ADAMTS16: variants seen among roughly 807,000 people sequenced by gnomAD.
ADAMTS16 encodes the protein ADAM metallopeptidase with thrombospondin type 1 motif 16.
In ADAMTS16, 94 loss-of-function variants were observed where a neutral mutation model predicts 145.8. The ratio of observed to expected loss-of-function variants is 0.64; its 90% CI spans 0.55 to 0.77. ADAMTS16 has a LOEUF of 0.77. Ranked by LOEUF, ADAMTS16 falls within the 30% of genes least tolerant of loss-of-function variation. The pLI is 0.00. For synonymous variants in ADAMTS16, 659 were observed against 604.3 expected (o/e 1.09, Z -1.33); for missense variants, 1,585 against 1,591.5 (o/e 1.00, Z 0.07).
chr5:5,215,703 T>C (rs1038173965), intron 10 of ADAMTS16, among the ~76,000 whole-genome samples: 8 of 124,186 alleles, frequency 6.4e-5, no homozygotes, highest in Admixed American at 8.6e-5. Context: ...ATTACATATA[T>C]ATATATATAT....
chr5:5,200,105 C>A (rs1735914986), intron 8 of ADAMTS16, 27 bp from the exon 9 acceptor site: 6 of 1,412,880 alleles, frequency 4.2e-6, no homozygotes, highest in African/African-American at 1.7e-5. Flanking sequence ...TCTGAAAGAA[C>A]CATCTCTCTC....
chr5:5,166,061 CT>C (rs963699018), intron 3 of ADAMTS16, among the ~76,000 whole-genome samples: 1 of 152,140 alleles, frequency 6.6e-6, no homozygotes, highest in Non-Finnish European at 1.5e-5. Flanking sequence ...TGCCTTTATT[CT>C]TTAAAAATAT....
intron 2 of ADAMTS16, chr5:5,142,064 A>T (rs1258411450): frequency 3.9e-5 from 1 of 25,580 alleles, no homozygotes; most frequent in Non-Finnish European, 1.1e-4. Flanking sequence ...AGATTTTTGT[A>T]AAAAAAAAAA....
chr5:5,237,496 A>G (rs1737144294), intron 14 of ADAMTS16, among the ~76,000 whole-genome samples: 1 of 152,200 alleles, frequency 6.6e-6, no homozygotes, highest in East Asian at 1.9e-4. Context: ...CCAGAGGGAA[A>G]GTGGGGGACT....
chr5:5,309,930 C>T (rs1025326870), intron 21 of ADAMTS16, among the ~76,000 whole-genome samples: 1 of 151,940 alleles, frequency 6.6e-6, no homozygotes, highest in Non-Finnish European at 1.5e-5. Flanking sequence ...CATAAACAGT[C>T]GTGCACAGTT....
Position 5,319,090 on chromosome 5 carries a change from G to A in ADAMTS16, c.3627G>A (p.Lys1209=), listed in dbSNP as rs1250918520. The change falls in exon 23 of 23, where the codon AAG becomes AAA. Residue 1209 remains lysine, a synonymous_variant. Transcript: ENST00000274181. ...LVPQHGMCSH[K]FYGKQCCKTC... is the part of the protein sequence containing the mutation. ...CCCAGCACGGGATGTGCAGCCACAA[G>A]TTCTACGGCAAGCAGTGCTGCAAGA... is the stretch of plus-strand genomic sequence containing the variant. 2.5e-6 allele frequency: 4 copies of A among 1,613,500 alleles called. No individual in the cohort carries two copies. The South Asian group carries it at 4.4e-5, about 18-fold the overall frequency.
intron 21 of ADAMTS16, among the ~76,000 whole-genome samples, chr5:5,308,760 C>T (rs1308833536): frequency 6.6e-6 from 1 of 152,026 alleles, no homozygotes; most frequent in Non-Finnish European, 1.5e-5. Flanking sequence ...ACCAGCCTGC[C>T]CAACATGGTG....
At chr5:5,312,634 G>A (rs1165406389) in intron 21 of ADAMTS16, among the ~76,000 whole-genome samples, 2 of 152,116 alleles carry the variant, frequency 1.3e-5, no homozygotes, top group Non-Finnish European at 2.9e-5. Flanking sequence ...TTTTAGTAGA[G>A]ACGGGGTTTT....
intron 18 of ADAMTS16, among the ~76,000 whole-genome samples, chr5:5,288,532 G>A (rs1039800871): frequency 6.6e-6 from 1 of 152,040 alleles, no homozygotes; most frequent in Non-Finnish European, 1.5e-5. Flanking sequence ...AGGAATTTTC[G>A]GAAAACTTCT....
intron 17 of ADAMTS16, among the ~76,000 whole-genome samples, chr5:5,261,392 C>A (rs911514631): frequency 1.3e-5 from 2 of 152,170 alleles, no homozygotes; most frequent in African/African-American, 4.8e-5. Flanking sequence ...CATGCCTAAG[C>A]CTGTCAACGT....
chr5:5,199,114 T>A (rs1286976664), intron 8 of ADAMTS16, among the ~76,000 whole-genome samples: 1 of 152,174 alleles, frequency 6.6e-6, no homozygotes, highest in Admixed American at 6.5e-5. Flanking sequence ...TCTGGGATAG[T>A]TGAAAATGGG....
rs1042167550 is a variant in ADAMTS16 at position 5,242,127 on chromosome 5, C to T, written c.2598C>T (p.Pro866=). 1 of 1,614,196 alleles carries T rather than the reference C, an allele frequency of 6.2e-7. No individual in the cohort carries two copies. Among genetic ancestry groups the T allele is most frequent in the Non-Finnish European group, 8.5e-7 (1 of 1,180,036 alleles). The change falls in exon 17 of 23, where the codon CCC becomes CCT. Residue 866 remains proline, a synonymous_variant. Transcript: ENST00000274181. The part of the protein sequence containing the change: ...SMPRLGTEKQ[P]PAQPSYTWAI... ...CTCGCTTGGGGACCGAGAAGCAGCCCCCTGCCCAGCCCAGCTACACTTGGG... is the reference window on the plus strand; with the variant it reads ...CTCGCTTGGGGACCGAGAAGCAGCCTCCTGCCCAGCCCAGCTACACTTGGG...
intron 18 of ADAMTS16, among the ~76,000 whole-genome samples, chr5:5,272,036 G>A (rs1688904065): frequency 6.6e-6 from 1 of 152,118 alleles, no homozygotes; most frequent in South Asian, 2.1e-4. Flanking sequence ...GAAAAGGGGG[G>A]AGCAATTTCC....
chr5:5,239,567 C>G, intron 15 of ADAMTS16, 114 bp from the exon 16 acceptor site: 1 of 1,452,662 alleles, frequency 6.9e-7, no homozygotes, highest in Admixed American at 1.9e-5. Context: ...ACGTCTTCAC[C>G]CAGTTCCAAA....
At position 5,140,429 on chromosome 5, in the gene ADAMTS16, G is replaced by C. The variant is rs997130521; in HGVS notation, c.-39G>C. 2.7e-6 allele frequency: 4 copies of C among 1,488,724 alleles called. No homozygotes were observed. The highest frequency in any genetic ancestry group is 3.5e-6 in the Non-Finnish European group (4 of 1,127,196). The allele number at this position is 1,488,724 out of a possible 1,614,324, so 92.2% of individuals were successfully genotyped here. ...GCCCGCTCGCACGCTGCCGGCCGGGGACCCTCCGGTGGCCCCTAGCCCCTC... is the reference window on the plus strand; with the variant it reads ...GCCCGCTCGCACGCTGCCGGCCGGGCACCCTCCGGTGGCCCCTAGCCCCTC... On this transcript the variant is annotated 5_prime_UTR_variant, in exon 1 of 23. Coordinates refer to ENST00000274181, the MANE Select transcript of ADAMTS16 (RefSeq NM_139056.4).
intron 3 of ADAMTS16, among the ~76,000 whole-genome samples, chr5:5,153,687 A>AT (rs1389835322): frequency 2.6e-5 from 4 of 152,168 alleles, no homozygotes; most frequent in African/African-American, 9.6e-5. Flanking sequence ...GTTGCATATG[A>AT]TGGGAATAGA....
At chr5:5,183,340 T>C (rs963176835) in intron 4 of ADAMTS16, among the ~76,000 whole-genome samples, 1 of 152,162 alleles carries the variant, frequency 6.6e-6, no homozygotes, top group African/African-American at 2.4e-5. Context: ...AGGGCGTGCA[T>C]ATCGGCAACA....
chr5:5,259,922 TC>T (rs1737945889), intron 17 of ADAMTS16, among the ~76,000 whole-genome samples: 1 of 152,100 alleles, frequency 6.6e-6, no homozygotes, highest in South Asian at 2.1e-4. Context: ...CCTGAGCAGC[TC>T]CCTCCCCCGA....
chr5:5,299,948 A>C (rs1739703837), intron 18 of ADAMTS16, among the ~76,000 whole-genome samples: 1 of 152,206 alleles, frequency 6.6e-6, no homozygotes, highest in Non-Finnish European at 1.5e-5. Flanking sequence ...CATGAGCTGA[A>C]ATGAAGACAT....
Sources: gnomAD v4.1 joint callset for allele counts (sites outside exome capture counted in the v4.1 genomes callset) on GRCh38, gnomAD v4.1.1 for gene constraint, MANE v1.5 for transcripts, NCBI Gene and HGNC (gene_info 2026-07-23, HGNC 2026-07-21) for gene names.